MGAM2: variants seen among roughly 807,000 people sequenced by gnomAD.
MGAM2 encodes the protein maltase-glucoamylase 2 (putative).
MGAM2 carries 98 observed loss-of-function variants against 96.1 expected under a neutral mutation model. The ratio of observed to expected loss-of-function variants is 1.02; its 90% CI spans 0.87 to 1.21. MGAM2 has a LOEUF of 1.21. Ranked by LOEUF, MGAM2 falls within the 50% of genes most tolerant of loss-of-function variation. The pLI is 0.00. For synonymous variants in MGAM2, 749 were observed against 414.8 expected, an observed-to-expected ratio of 1.81 and a Z score of -9.79; for missense variants, 2,055 against 1,182.4, an observed-to-expected ratio of 1.74 and a Z score of -10.82.
chr7:142,185,449 G>A (rs753235608), intron 34 of MGAM2, among the ~76,000 whole-genome samples: 3 of 152,076 alleles, frequency 2.0e-5, no homozygotes, highest in Non-Finnish European at 4.4e-5. Context: ...CTCACTAGAG[G>A]GGAATCCATT....
At chr7:142,211,168 C>CA (rs1442922128) in intron 46 of MGAM2, among the ~76,000 whole-genome samples, 4 of 152,090 alleles carry the variant, frequency 2.6e-5, no homozygotes, top group Non-Finnish European at 5.9e-5. Flanking sequence ...GATGACCATG[C>CA]AAAAAATCCA....
chr7:142,158,629 C>G (rs996217099), intron 19 of MGAM2, among the ~76,000 whole-genome samples: 2 of 152,186 alleles, frequency 1.3e-5, no homozygotes, highest in African/African-American at 4.8e-5. Context: ...TGCTGAACAT[C>G]TGTCTATAGT....
chr7:142,164,836 A>G lies in MGAM2; in HGVS notation c.2485-20A>G. The G allele has an allele frequency of 1.5e-6, 1 of 674,432 alleles. No homozygotes were observed. The highest frequency in any genetic ancestry group is 2.7e-6 in the Non-Finnish European group (1 of 373,616). 41.8% of individuals were successfully genotyped at this position (674,432 alleles called of 1,614,324 possible). The stretch of plus-strand genomic sequence containing the variant: ...TCTGAAGTACCTGGTTTCCAATCTG[A>G]CTTTTTTTTCCCCTCCCAGAACCAT... On this transcript the variant is annotated intron_variant, in intron 23 of 47. Coordinates refer to ENST00000477922, the MANE Select transcript of MGAM2 (RefSeq NM_001293626.2).
rs577693288 is a variant in MGAM2 at position 142,198,176 on chromosome 7, G to C, written c.4904G>C (p.Arg1635Pro). ...ATCTCTGCTTATTTTCCGAGAGCCCGTTGGTATGACTATAGCACGGTAAGA... is the reference window on the plus strand; with the variant it reads ...ATCTCTGCTTATTTTCCGAGAGCCCCTTGGTATGACTATAGCACGGTAAGA... ...FEISAYFPRA[R>P]WYDYSTGTSS... The change falls in exon 43 of 48, where the codon CGT (arginine) becomes CCT (proline). Residue 1635 changes from arginine (R) to proline (P), a missense_variant. Transcript: ENST00000477922. 1.3e-5 allele frequency: 9 copies of C among 702,996 alleles called. No individual in the cohort carries two copies. Among genetic ancestry groups the C allele is most frequent in the African/African-American group, 1.0e-4 (6 of 57,360 alleles). 43.5% of individuals were successfully genotyped at this position (702,996 alleles called of 1,614,324 possible).
rs200379247 is a variant in MGAM2 at position 142,190,971 on chromosome 7, C to CA, written c.4346+1472dup. ...GCAACATAATGAGACCCTGTCTCTA[C>CA]AAAAAACAAACAAACTAGCCAGGCA... On this transcript the variant is annotated intron_variant, in intron 37 of 47. Coordinates refer to ENST00000477922, the MANE Select transcript of MGAM2 (RefSeq NM_001293626.2). Among the ~76,000 whole-genome samples the CA allele has an allele frequency of 2.2e-3, 335 of 151,986 alleles. 7 individuals carry two copies. In the East Asian group the frequency reaches 0.045, roughly 20 times the overall value.
Position 142,194,153 on chromosome 7 carries a change from C to T in MGAM2, c.4347-2001C>T, listed in dbSNP as rs572388107. On this transcript the variant is annotated intron_variant, in intron 37 of 47. Transcript: ENST00000477922. Reference sequence around the variant, plus strand: ...GTTCAAGCAATTCTCCTGCCTCAGCCTCCCTAGTAGCTGCAATTAGAGTTG... The same window carrying T: ...GTTCAAGCAATTCTCCTGCCTCAGCTTCCCTAGTAGCTGCAATTAGAGTTG... Among the ~76,000 whole-genome samples the T allele has an allele frequency of 2.6e-4, 39 of 152,156 alleles. 1 individual carries two copies. Among genetic ancestry groups the T allele is most frequent in the African/African-American group, 9.4e-4 (39 of 41,522 alleles).
At chr7:142,186,542 C>T (rs1796705491) in intron 35 of MGAM2, among the ~76,000 whole-genome samples, 1 of 152,190 alleles carries the variant, frequency 6.6e-6, no homozygotes, top group Admixed American at 6.5e-5. Context: ...GGGCAGACAA[C>T]TCTGAGGGAA....
In MGAM2 at chr7:142,186,066, G is replaced by A. The variant is rs1418788706; in HGVS notation, c.4065G>A (p.Glu1355=). The part of the protein sequence containing the change: ...TAAWWKKEIE[E]LYANPREPEK... ...CGTGGTGGAAGAAAGAGATAGAAGA[G>A]CTCTATGCAAACCCTCGAGAGCCAG... Residue 1355 remains glutamate (E), a synonymous_variant, in exon 35 of 48, where the codon GAG becomes GAA. Transcript: ENST00000477922. 1.4e-6 allele frequency: 1 copy of A among 705,986 alleles called. No individual in the cohort carries two copies. The highest frequency in any genetic ancestry group is 2.6e-6 in the Non-Finnish European group (1 of 385,128). The allele number at this position is 705,986 out of a possible 1,614,324, so 43.7% of individuals were successfully genotyped here.
At chr7:142,185,396 C>T (rs1186677088) in intron 34 of MGAM2, among the ~76,000 whole-genome samples, 1 of 152,124 alleles carries the variant, frequency 6.6e-6, no homozygotes, top group African/African-American at 2.4e-5. Flanking sequence ...TTTGTTTGAA[C>T]TTTATGACGC....
At chr7:142,201,071 C>CTTTTTTTCTTTTTTT (rs1797209807) in intron 45 of MGAM2, among the ~76,000 whole-genome samples, 1 of 84,382 alleles carries the variant, frequency 1.2e-5, no homozygotes, top group African/African-American at 5.3e-5. Context: ...CATCCTTTTT[C>CTTTTTTTCTTTTTTT]TTTTTTTTTT....
chr7:142,137,289 G>A (rs1795087184), intron 8 of MGAM2, 144 bp from the exon 9 acceptor site: 2 of 433,766 alleles, frequency 4.6e-6, no homozygotes, highest in Admixed American at 4.1e-5. Context: ...CTCCAACAAC[G>A]ATCCTCTGAT....
intron 17 of MGAM2, among the ~76,000 whole-genome samples, chr7:142,157,423 C>G (rs1251199758): frequency 1.3e-5 from 2 of 149,578 alleles, no homozygotes; most frequent in Non-Finnish European, 3.0e-5. Context: ...GACAGAGTCT[C>G]ATTCTGTTGC....
rs116111078 is a variant in MGAM2 at position 142,143,760 on chromosome 7, G to T, written c.1318-9G>T. On this transcript the variant is annotated splice_polypyrimidine_tract_variant and intron_variant, in intron 12 of 47. Transcript: ENST00000477922. ...AAGCTGATTGCCACTGCCTTCCTCT[G>T]TGTCCTAGGGATATCCGGGACCGAC... 1.1e-3 allele frequency: 659 copies of T among 606,924 alleles called. 4 individuals are homozygous for T. The highest frequency in any genetic ancestry group is 0.011 in the African/African-American group (584 of 55,532). The allele number at this position is 606,924 out of a possible 1,614,324, so 37.6% of individuals were successfully genotyped here.
chr7:142,157,774 T>C (rs562006682), intron 17 of MGAM2, among the ~76,000 whole-genome samples, 163 bp from the exon 18 acceptor site: 2 of 152,332 alleles, frequency 1.3e-5, no homozygotes, highest in Admixed American at 6.5e-5. Context: ...TTTTCTCATG[T>C]ATAAAATGAA....
intron 1 of MGAM2, among the ~76,000 whole-genome samples, chr7:142,112,712 G>A (rs1817216355): frequency 6.6e-6 from 1 of 151,856 alleles, no homozygotes; most frequent in Admixed American, 6.6e-5. Flanking sequence ...CACTAACCGT[G>A]ACTAGACAAA....
At chr7:142,156,627 A>G (rs1312146186) in intron 17 of MGAM2, among the ~76,000 whole-genome samples, 1 of 152,226 alleles carries the variant, frequency 6.6e-6, no homozygotes, top group Admixed American at 6.5e-5. Context: ...TCAGTTGACA[A>G]CCAGGGTGAT....
intron 17 of MGAM2, among the ~76,000 whole-genome samples, chr7:142,156,653 T>A (rs1218763735): frequency 6.6e-6 from 1 of 152,196 alleles, no homozygotes; most frequent in Non-Finnish European, 1.5e-5. Context: ...CTGTGGAGTG[T>A]TACTCTCTTT....
At chr7:142,135,981 A>G (rs1198726061) in intron 7 of MGAM2, among the ~76,000 whole-genome samples, 5 of 152,220 alleles carry the variant, frequency 3.3e-5, no homozygotes, top group Non-Finnish European at 7.3e-5. Flanking sequence ...TTTACAAAAT[A>G]ACTTGATTGA....
chr7:142,124,933 T>A (rs1252409348), intron 3 of MGAM2, among the ~76,000 whole-genome samples: 1 of 152,158 alleles, frequency 6.6e-6, no homozygotes, highest in Non-Finnish European at 1.5e-5. Context: ...TGTCCTAGTT[T>A]GTAGACTCTT....
Sources: gnomAD v4.1 joint callset for allele counts (sites outside exome capture counted in the v4.1 genomes callset) on GRCh38, gnomAD v4.1.1 for gene constraint, MANE v1.5 for transcripts, NCBI Gene and HGNC (gene_info 2026-07-23, HGNC 2026-07-21) for gene names.